The following PXDNL variants were observed in gnomAD, a reference collection of about 807,000 sequenced individuals.
PXDNL encodes probable oxidoreductase PXDNL.
In PXDNL, 145 loss-of-function variants were observed where a neutral mutation model predicts 150.8. The ratio of observed to expected loss-of-function variants is 0.96; its 90% CI spans 0.84 to 1.10. The LOEUF is 1.10. Among genes scored for constraint, PXDNL ranks in the 50% least tolerant of loss-of-function variants. The pLI is 0.00. For synonymous variants in PXDNL, 757 were observed against 725.7 expected (o/e 1.04, Z -0.69); for missense variants, 2,087 against 1,873.9 (o/e 1.11, Z -2.10).
chr8:51,659,867 ATT>A (rs1815231116), intron 1 of PXDNL, among the ~76,000 whole-genome samples: 2 of 141,894 alleles, frequency 1.4e-5, no homozygotes, highest in African/African-American at 6.0e-5. Context: ...GTATTTATTT[ATT>A]TATTTATTTA....
intron 4 of PXDNL, among the ~76,000 whole-genome samples, chr8:51,519,958 A>G (rs1811624593): frequency 6.6e-6 from 1 of 152,214 alleles, no homozygotes; most frequent in Non-Finnish European, 1.5e-5. Flanking sequence ...TTGCTTACCT[A>G]GAGCGGAACA....
intron 17 of PXDNL, among the ~76,000 whole-genome samples, chr8:51,388,154 A>G (rs1373616710): frequency 2.0e-5 from 3 of 152,172 alleles, no homozygotes; most frequent in African/African-American, 7.2e-5. Context: ...AACTATTAAA[A>G]GTAATTTTTC....
chr8:51,779,952 C>T (rs1455815038), intron 1 of PXDNL, among the ~76,000 whole-genome samples: 2 of 152,042 alleles, frequency 1.3e-5, no homozygotes, highest in African/African-American at 4.8e-5. Flanking sequence ...TGGCTCATGC[C>T]TGTAATCCCA....
At chr8:51,403,441 A>ACT (rs1175563016) in intron 17 of PXDNL, among the ~76,000 whole-genome samples, 1 of 151,846 alleles carries the variant, frequency 6.6e-6, no homozygotes, top group African/African-American at 2.4e-5. Flanking sequence ...TCTAAGGGGC[A>ACT]GTGTTCCATG....
intron 2 of PXDNL, among the ~76,000 whole-genome samples, chr8:51,618,396 T>C (rs1420958521): frequency 6.6e-6 from 1 of 152,218 alleles, no homozygotes; most frequent in Admixed American, 6.5e-5. Context: ...AGAATCAGGA[T>C]GCAGCTGCAA....
chr8:51,482,160 A>G (rs1217411877), intron 6 of PXDNL, among the ~76,000 whole-genome samples: 1 of 152,226 alleles, frequency 6.6e-6, no homozygotes. Context: ...AGAGCTGCCC[A>G]AGACCATGGG....
chr8:51,426,827 CA>C, intron 12 of PXDNL, 69 bp from the exon 13 acceptor site: 1 of 897,188 alleles, frequency 1.1e-6, no homozygotes, highest in Non-Finnish European at 1.8e-6. Context: ...CCAGCTGAGT[CA>C]AAGGTATGAA....
chr8:51,529,613 C>T (rs1007260395), intron 4 of PXDNL, among the ~76,000 whole-genome samples: 9 of 152,214 alleles, frequency 5.9e-5, no homozygotes, highest in African/African-American at 2.2e-4. Context: ...TAACCCATCT[C>T]ATCCATCCTT....
chr8:51,721,089 C>G (rs959165866), intron 1 of PXDNL, among the ~76,000 whole-genome samples: 1 of 152,188 alleles, frequency 6.6e-6, no homozygotes, highest in Admixed American at 6.5e-5. Flanking sequence ...TGGCTGAACC[C>G]CAAGACTCAG....
chr8:51,471,874 G>T (rs180832381), intron 8 of PXDNL, among the ~76,000 whole-genome samples: 2,021 of 152,092 alleles, frequency 0.013, 40 homozygotes, highest in African/African-American at 0.046. Flanking sequence ...TTTTAGTAGA[G>T]ACGGGGTTTC....
chr8:51,446,950 A>G (rs1563415687), intron 12 of PXDNL, 54 bp downstream of exon 12: 2 of 1,549,374 alleles, frequency 1.3e-6, no homozygotes, highest in Non-Finnish European at 8.9e-7. Context: ...TGTGTTAAAG[A>G]CACAGGCAGA....
chr8:51,744,164 GA>G lies in PXDNL; in HGVS notation c.164+65016del. On this transcript the variant is annotated intron_variant, in intron 1 of 22. Coordinates refer to ENST00000356297, the MANE Select transcript of PXDNL (RefSeq NM_144651.5). ...AGGAAGAAGGGAGGGAGGAAGGAAG[GA>G]AAGAAGGAAGGAAGGTGAGAAAGAG... 4.9e-5 allele frequency among the ~76,000 whole-genome samples: 7 copies of G among 143,542 alleles called. No individual in the cohort carries two copies. The South Asian group carries it at 1.6e-3, about 34-fold the overall frequency. The allele number at this position is 143,542 out of a possible 152,430, so 94.2% of individuals were successfully genotyped here.
intron 3 of PXDNL, among the ~76,000 whole-genome samples, chr8:51,582,754 C>T (rs1203467114): frequency 6.6e-6 from 1 of 151,992 alleles, no homozygotes; most frequent in Non-Finnish European, 1.5e-5. Context: ...CTACAGTTAT[C>T]CTATGTTAAA....
intron 3 of PXDNL, among the ~76,000 whole-genome samples, chr8:51,565,091 A>AAAAATGTGAAATCTGAAATGCTCC (rs1812789839): frequency 1.3e-5 from 2 of 151,734 alleles, no homozygotes; most frequent in Non-Finnish European, 2.9e-5. Flanking sequence ...TCCCTAATCC[A>AAAAATGTGAAATCTGAAATGCTCC]AAAATGTGAA....
chr8:51,606,742 T>C (rs1813843904), intron 2 of PXDNL, among the ~76,000 whole-genome samples: 1 of 151,728 alleles, frequency 6.6e-6, no homozygotes, highest in Admixed American at 6.6e-5. Flanking sequence ...ATGATTATCA[T>C]TCTAATGTAT....
Position 51,513,570 on chromosome 8 carries a change from G to C in PXDNL, c.381-13800C>G, listed in dbSNP as rs1811470509. 3.3e-5 allele frequency among the ~76,000 whole-genome samples: 5 copies of C among 152,306 alleles called. No individual in the cohort carries two copies. The South Asian group carries it at 1.0e-3, about 32-fold the overall frequency. ...GAAAGAGAATGAAGCTATAATGAAA[G>C]TTACAGAAAAATTAGCATTGGTCAC... On this transcript the variant is annotated intron_variant, in intron 4 of 22. Transcript: ENST00000356297.
intron 21 of PXDNL, among the ~76,000 whole-genome samples, chr8:51,329,719 A>T (rs67110071): frequency 6.6e-6 from 1 of 152,110 alleles, no homozygotes; most frequent in Non-Finnish European, 1.5e-5. Context: ...AAAATGTTAG[A>T]AATCAAAACT....
chr8:51,600,201 GATA>G (rs1409972375), intron 2 of PXDNL, among the ~76,000 whole-genome samples: 1 of 140,588 alleles, frequency 7.1e-6, no homozygotes, highest in Non-Finnish European at 1.5e-5. Context: ...ATATCGTTTA[GATA>G]ATAAATTATA....
At chr8:51,615,813 G>A (rs1296731126) in intron 2 of PXDNL, among the ~76,000 whole-genome samples, 4 of 152,206 alleles carry the variant, frequency 2.6e-5, no homozygotes, top group African/African-American at 9.7e-5. Context: ...ATGATGTTAA[G>A]ATCAGCCCTC....
Sources: allele counts gnomAD v4.1 joint callset (sites outside exome capture counted in the v4.1 genomes callset), GRCh38; gene constraint gnomAD v4.1.1; transcripts MANE v1.5; gene names NCBI Gene and HGNC (gene_info 2026-07-23, HGNC 2026-07-21).